CPED1: variants seen among roughly 807,000 people sequenced by gnomAD.
CPED1 encodes cadherin-like and PC-esterase domain-containing protein 1.
A neutral mutation model predicts 128.2 loss-of-function variants in CPED1; 114 were observed. The ratio of observed to expected loss-of-function variants is 0.89; its 90% CI spans 0.76 to 1.04. CPED1 has a LOEUF of 1.04. Ranked by LOEUF, CPED1 falls within the 50% of genes least tolerant of loss-of-function variation. The pLI, the probability that CPED1 is intolerant of heterozygous loss-of-function variation, is 0.00. For missense variants in CPED1, 1,211 were observed against 1,207.1 expected (o/e 1.00, Z -0.05); for synonymous variants, 462 against 426.7 (o/e 1.08, Z -1.02).
At chr7:121,109,989 A>G (rs568938991) in intron 7 of CPED1, among the ~76,000 whole-genome samples, 2 of 152,344 alleles carry the variant, frequency 1.3e-5, no homozygotes, top group East Asian at 1.9e-4. Context: ...AGAGAAATAA[A>G]TCACCAGCAT....
At chr7:121,179,156 A>G (rs1024742885) in intron 16 of CPED1, among the ~76,000 whole-genome samples, 1 of 152,112 alleles carries the variant, frequency 6.6e-6, no homozygotes, top group Admixed American at 6.6e-5. Context: ...TGTTAGGACT[A>G]TGAGCCAACC....
intron 2 of CPED1, among the ~76,000 whole-genome samples, chr7:121,011,203 C>T (rs946968776): frequency 1.3e-5 from 2 of 151,184 alleles, no homozygotes; most frequent in Admixed American, 1.3e-4. Flanking sequence ...AATCTTTCTG[C>T]TATGTGAAAA....
At chr7:121,139,954 A>G (rs1795864223) in intron 14 of CPED1, among the ~76,000 whole-genome samples, 1 of 152,008 alleles carries the variant, frequency 6.6e-6, no homozygotes. Context: ...TTTGTTGACA[A>G]TTGGAAAGTA....
intron 18 of CPED1, among the ~76,000 whole-genome samples, chr7:121,247,008 A>C (rs190853553): frequency 6.6e-6 from 1 of 152,190 alleles, no homozygotes; most frequent in Admixed American, 6.5e-5. Flanking sequence ...AATTTATTCT[A>C]TATGCAAAAG....
chr7:121,245,428 A>G (rs910698555), intron 18 of CPED1, among the ~76,000 whole-genome samples: 2 of 152,142 alleles, frequency 1.3e-5, no homozygotes, highest in African/African-American at 2.4e-5. Flanking sequence ...TAAATTTGTT[A>G]CACTTTAAAT....
At chr7:121,080,763 A>G (rs1049064547) in intron 5 of CPED1, among the ~76,000 whole-genome samples, 5 of 152,066 alleles carry the variant, frequency 3.3e-5, no homozygotes, top group Admixed American at 2.0e-4. Flanking sequence ...ATTGAGAGGG[A>G]GGGAGAGAGT....
intron 3 of CPED1, among the ~76,000 whole-genome samples, chr7:121,040,095 A>C (rs1442074592): frequency 6.6e-6 from 1 of 152,064 alleles, no homozygotes; most frequent in Non-Finnish European, 1.5e-5. Context: ...CTGTTGAGTA[A>C]CATAACATTT....
intron 22 of CPED1, among the ~76,000 whole-genome samples, chr7:121,286,506 AG>A (rs1328409934): frequency 6.6e-6 from 1 of 152,190 alleles, no homozygotes; most frequent in African/African-American, 2.4e-5. Context: ...GGATCCTCCT[AG>A]AAGACACACT....
rs749886278 is a variant in CPED1 at position 121,295,632 on chromosome 7, G to A, written c.3061G>A (p.Ala1021Thr). 6 of 1,613,696 alleles carry A rather than the reference G, an allele frequency of 3.7e-6. No individual in the cohort carries two copies. Among genetic ancestry groups the A allele is most frequent in the Non-Finnish European group, 5.1e-6 (6 of 1,179,780 alleles). ...TGAAATCCTTCTCAGCAGGATGTGT[G>A]CAAATAAAAGGACTATGTAGGCTCC... The part of the protein sequence containing the change: ...CSEILLSRMC[A>T]NKRTM Residue 1021 changes from alanine (A) to threonine (T), a missense_variant, in exon 23 of 23, where the codon GCA (alanine) becomes ACA (threonine). Transcript: ENST00000310396.
intron 16 of CPED1, among the ~76,000 whole-genome samples, chr7:121,177,430 C>T (rs1796807569): frequency 6.6e-6 from 1 of 151,916 alleles, no homozygotes; most frequent in Admixed American, 6.6e-5. Context: ...GTACAAGTTC[C>T]TGATGTTGCC....
chr7:121,147,542 G>T (rs1012123228), intron 16 of CPED1, among the ~76,000 whole-genome samples: 1 of 152,052 alleles, frequency 6.6e-6, no homozygotes, highest in African/African-American at 2.4e-5. Flanking sequence ...ATACACATAG[G>T]GGAATGTTTC....
At chr7:121,289,629 G>GA (rs954453569) in intron 22 of CPED1, among the ~76,000 whole-genome samples, 3 of 151,936 alleles carry the variant, frequency 2.0e-5, no homozygotes, top group Admixed American at 6.6e-5. Flanking sequence ...TATATGAGAT[G>GA]AAAAAATATG....
chr7:121,173,575 T>C (rs532547769), intron 16 of CPED1, among the ~76,000 whole-genome samples: 19 of 152,280 alleles, frequency 1.2e-4, no homozygotes, highest in African/African-American at 4.6e-4. Context: ...TCTCATTCTT[T>C]TTATGGCTGA....
chr7:121,292,343 G>A (rs1337918184), intron 22 of CPED1, among the ~76,000 whole-genome samples: 3 of 151,478 alleles, frequency 2.0e-5, no homozygotes, highest in Non-Finnish European at 4.4e-5. Context: ...TGAAGTTCTC[G>A]TGCTGTGTTT....
intron 2 of CPED1, among the ~76,000 whole-genome samples, chr7:120,997,559 G>C (rs1796427868): frequency 6.6e-6 from 1 of 152,188 alleles, no homozygotes; most frequent in Admixed American, 6.5e-5. Context: ...GGTTATCGCA[G>C]ATATAATTAG....
intron 5 of CPED1, among the ~76,000 whole-genome samples, chr7:121,080,207 T>TA (rs1404885799): frequency 1.3e-5 from 2 of 151,808 alleles, no homozygotes; most frequent in Non-Finnish European, 2.9e-5. Context: ...CTGAGTCTAT[T>TA]AATCAATAGT....
intron 16 of CPED1, among the ~76,000 whole-genome samples, chr7:121,153,695 A>G (rs1257726902): frequency 1.3e-5 from 2 of 152,256 alleles, no homozygotes; most frequent in African/African-American, 4.8e-5. Flanking sequence ...ACAAGCTATA[A>G]GCCACTCTAT....
At chr7:121,281,521 CTATAAT>C (rs1162897890) in intron 22 of CPED1, among the ~76,000 whole-genome samples, 1 of 152,020 alleles carries the variant, frequency 6.6e-6, no homozygotes, top group East Asian at 1.9e-4. Context: ...GTGGAAAGAT[CTATAAT>C]TATAAACTGG....
chr7:121,236,575 C>A, intron 16 of CPED1, 139 bp from the exon 17 acceptor site: 2 of 464,636 alleles, frequency 4.3e-6, no homozygotes, highest in Non-Finnish European at 7.7e-6. Context: ...TATTGATAAG[C>A]TAGCAGGGGA....
Sources: gnomAD v4.1 joint callset for allele counts (sites outside exome capture counted in the v4.1 genomes callset) on GRCh38, gnomAD v4.1.1 for gene constraint, MANE v1.5 for transcripts, NCBI Gene and HGNC (gene_info 2026-07-23, HGNC 2026-07-21) for gene names.